Variants in CNTNAP3 observed in about 807,000 individuals in gnomAD.
The protein encoded by CNTNAP3 is contactin associated protein family member 3.
CNTNAP3 carries 36 observed loss-of-function variants against 92.1 expected under a neutral mutation model. The ratio of observed to expected loss-of-function variants is 0.39; its 90% confidence interval spans 0.30 to 0.52. CNTNAP3 has a LOEUF of 0.52. Ranked by LOEUF, CNTNAP3 falls within the 20% of genes least tolerant of loss-of-function variation. The pLI is 0.76. For missense variants in CNTNAP3, 534 were observed against 1,069.6 expected, an observed-to-expected ratio of 0.50 and a Z score of 6.98; for synonymous variants, 232 against 422.3, an observed-to-expected ratio of 0.55 and a Z score of 5.53.
chr9:39,086,964 G>C, intron 19 of CNTNAP3, 115 bp from the exon 20 acceptor site: 1 of 759,964 alleles, frequency 1.3e-6, no homozygotes, highest in African/African-American at 1.8e-5. Context: ...AATCTATTTA[G>C]CATCAATTTA....
At chr9:39,126,200 A>T (rs1380239039) in intron 13 of CNTNAP3, among the ~76,000 whole-genome samples, 5 of 152,190 alleles carry the variant, frequency 3.3e-5, no homozygotes, top group Non-Finnish European at 7.4e-5. Context: ...AAGAGAGCTG[A>T]AATATCCTCA....
rs2480605 is a variant in CNTNAP3, at chr9:39,153,898, T to A, written c.1478-3921A>T. Reference sequence around the variant, plus strand: ...AAATAAATCTAGTGAGATCCAGAAATCCACATCCACCAGTGATTGTTCCAA... The same window carrying A: ...AAATAAATCTAGTGAGATCCAGAAAACCACATCCACCAGTGATTGTTCCAA... On this transcript the variant is annotated intron_variant, in intron 9 of 23. Transcript: ENST00000297668. Among the ~76,000 whole-genome samples the A allele has an allele frequency of 1.4e-5, 2 of 147,408 alleles. 1 individual carries two copies. The highest frequency in any genetic ancestry group is 3.0e-5 in the Non-Finnish European group (2 of 66,984).
intron 12 of CNTNAP3, among the ~76,000 whole-genome samples, chr9:39,138,412 G>A: frequency 6.6e-6 from 1 of 151,998 alleles, no homozygotes; most frequent in East Asian, 1.9e-4. Context: ...GCCAGAGGTG[G>A]GTAATTTCCT....
intron 10 of CNTNAP3, among the ~76,000 whole-genome samples, chr9:39,145,401 G>A (rs1280114105): frequency 1.8e-4 from 26 of 143,590 alleles, no homozygotes; most frequent in African/African-American, 5.7e-4. Context: ...CGGCAGAGGC[G>A]GGGAGCACCC....
At chr9:39,136,870 A>G (rs1821450394) in intron 12 of CNTNAP3, among the ~76,000 whole-genome samples, 1 of 152,170 alleles carries the variant, frequency 6.6e-6, no homozygotes, top group East Asian at 1.9e-4. Context: ...ATTGCACTCC[A>G]GCCTGGGCAA....
At chr9:39,152,018 C>T (rs10974176) in intron 9 of CNTNAP3, among the ~76,000 whole-genome samples, 23,389 of 136,254 alleles carry the variant, frequency 0.17, 2,550 homozygotes, top group East Asian at 0.26. Context: ...ACAGTGTTCA[C>T]TAAAATGAAA....
At chr9:39,132,002 T>A (rs889606351) in intron 13 of CNTNAP3, among the ~76,000 whole-genome samples, 3 of 152,030 alleles carry the variant, frequency 2.0e-5, no homozygotes, top group African/African-American at 7.3e-5. Flanking sequence ...TTTAAGTGGC[T>A]TTATTATGCT....
chr9:39,123,226 C>T (rs1280454302), intron 13 of CNTNAP3, among the ~76,000 whole-genome samples: 5 of 151,638 alleles, frequency 3.3e-5, no homozygotes. Context: ...TCCCGAGTAG[C>T]TGGGACTACA....
rs577744028 is a variant in CNTNAP3, at chr9:39,288,111, C to T, written c.-47G>A. The T allele has an allele frequency of 2.1e-6, 1 of 470,736 alleles. No individual in the cohort carries two copies. Among genetic ancestry groups the T allele is most frequent in the African/African-American group, 2.2e-5 (1 of 44,794 alleles). The allele number at this position is 470,736 out of a possible 1,614,324, so 29.2% of individuals were successfully genotyped here. ...TGAGACCCGGGCACGGCGACGGCCG[C>T]TCTGCGTCGCTCCTGCTCTCACTCC... On this transcript the variant is annotated 5_prime_UTR_variant, in exon 1 of 24. Transcript: ENST00000297668.
At chr9:39,115,510 T>C (rs1298669945) in intron 14 of CNTNAP3, among the ~76,000 whole-genome samples, 1 of 105,826 alleles carries the variant, frequency 9.4e-6, no homozygotes, top group Non-Finnish European at 1.7e-5. Flanking sequence ...CCCCCACATT[T>C]ACAAAACAAT....
chr9:39,108,482 T>C (rs1170579809), intron 15 of CNTNAP3, among the ~76,000 whole-genome samples: 2 of 152,152 alleles, frequency 1.3e-5, no homozygotes, highest in Admixed American at 6.5e-5. Flanking sequence ...CACATTGAGG[T>C]AGAGCAGGAA....
chr9:39,102,564 A>G lies in CNTNAP3; in HGVS notation c.2688T>C (p.Pro896=). The G allele has an allele frequency of 6.7e-7, 1 of 1,498,602 alleles. No individual in the cohort carries two copies. Among genetic ancestry groups the G allele is most frequent in the South Asian group, 1.2e-5 (1 of 82,436 alleles). The allele number at this position is 1,498,602 out of a possible 1,614,324, so 92.8% of individuals were successfully genotyped here. The change falls in exon 17 of 24, where the codon CCT becomes CCC. Residue 896 remains proline (P), a synonymous_variant. Transcript: ENST00000297668. ...KGASLQVDQL[P]QKMQPAPADG... ...CAGCAGGGGCAGGCTGCATCTTCTGAGGAAGCTGATCAACTTGAAGAGACG... is the reference window on the plus strand; with the variant it reads ...CAGCAGGGGCAGGCTGCATCTTCTGGGGAAGCTGATCAACTTGAAGAGACG...
At chr9:39,099,143 A>G (rs1370089858) in intron 18 of CNTNAP3, among the ~76,000 whole-genome samples, 1 of 152,014 alleles carries the variant, frequency 6.6e-6, no homozygotes, top group East Asian at 1.9e-4. Flanking sequence ...TTTAGTAAAG[A>G]TGAGGTTTCA....
At chr9:39,099,889 C>A (rs1327733689) in intron 18 of CNTNAP3, 22 bp downstream of exon 18, 1 of 1,608,286 alleles carries the variant, frequency 6.2e-7, no homozygotes, top group East Asian at 2.2e-5. Context: ...TTCCCTATAA[C>A]CTGCTCCTTG....
chr9:39,137,221 T>C (rs1208065406), intron 12 of CNTNAP3, among the ~76,000 whole-genome samples: 1 of 151,818 alleles, frequency 6.6e-6, no homozygotes, highest in Admixed American at 6.6e-5. Flanking sequence ...GCTTTTCAGT[T>C]TTGCAAGTTT....
At chr9:39,137,218 AG>A (rs1273325995) in intron 12 of CNTNAP3, among the ~76,000 whole-genome samples, 30 of 150,936 alleles carry the variant, frequency 2.0e-4, no homozygotes, top group African/African-American at 7.1e-4. Flanking sequence ...TTTGCTTTTC[AG>A]TTTTGCAAGT....
In CNTNAP3 at chr9:39,142,488, T is replaced by G. The variant is rs564875367; in HGVS notation, c.1756+1752A>C. Among the ~76,000 whole-genome samples the G allele has an allele frequency of 2.6e-5, 4 of 152,098 alleles. No homozygotes were observed. In the East Asian group the frequency reaches 7.8e-4, roughly 30 times the overall value. ...GAGATCGAGACCATCCCGGCTAACA[T>G]GGCAAAACCCCGTCTCTACTAAAAA... On this transcript the variant is annotated intron_variant, in intron 11 of 23. Coordinates refer to ENST00000297668, the MANE Select transcript of CNTNAP3 (RefSeq NM_033655.5).
chr9:39,101,471 A>C (rs1221626547), intron 17 of CNTNAP3, among the ~76,000 whole-genome samples: 1 of 118,662 alleles, frequency 8.4e-6, no homozygotes, highest in African/African-American at 3.0e-5. Context: ...TGGAAAAATA[A>C]ACAACAGTGA....
intron 21 of CNTNAP3, among the ~76,000 whole-genome samples, chr9:39,079,863 T>C: frequency 7.4e-6 from 1 of 135,948 alleles, no homozygotes; most frequent in Non-Finnish European, 1.5e-5. Context: ...AGCGATTGCA[T>C]GGTTCTTTCT....
Sources: gnomAD v4.1 joint callset for allele counts (sites outside exome capture counted in the v4.1 genomes callset) on GRCh38, gnomAD v4.1.1 for gene constraint, MANE v1.5 for transcripts, NCBI Gene and HGNC (gene_info 2026-07-23, HGNC 2026-07-21) for gene names.